The following RBM38 variants were observed in gnomAD, a reference collection of about 807,000 sequenced individuals.
RBM38 encodes the protein RNA binding motif protein 38, also known as RNA-binding protein 38.
Under a neutral mutation model 23.5 loss-of-function variants are expected in RBM38, and 11 were observed. The ratio of observed to expected loss-of-function variants is 0.47; its 90% CI spans 0.29 to 0.77. RBM38 has a LOEUF of 0.77. Ranked by LOEUF, RBM38 falls within the 30% of genes least tolerant of loss-of-function variation. The pLI, the probability that RBM38 is intolerant of heterozygous loss-of-function variation, is 0.08. For missense variants in RBM38, 330 were observed against 351.9 expected, an observed-to-expected ratio of 0.94 and a Z score of 0.50; for synonymous variants, 165 against 166.1, an observed-to-expected ratio of 0.99 and a Z score of 0.05.
intron 3 of RBM38, among the ~76,000 whole-genome samples, chr20:57,406,993 CAA>C (rs573363075): frequency 1.6e-4 from 12 of 76,076 alleles, no homozygotes; most frequent in African/African-American, 1.6e-4. Flanking sequence ...GACTCTGTCT[CAA>C]AAAAAAAAAA....
chr20:57,404,588 C>T (rs924269920), intron 3 of RBM38, among the ~76,000 whole-genome samples: 2 of 152,228 alleles, frequency 1.3e-5, no homozygotes, highest in African/African-American at 4.8e-5. Context: ...GGGCCCCCTG[C>T]CTCCGCTGGC....
At chr20:57,404,868 G>A (rs2067365363) in intron 3 of RBM38, among the ~76,000 whole-genome samples, 1 of 152,378 alleles carries the variant, frequency 6.6e-6, no homozygotes, top group South Asian at 2.1e-4. Flanking sequence ...GGGAGGATGC[G>A]AGGGATTGAG....
chr20:57,396,256 G>A (rs900644535), intron 3 of RBM38, among the ~76,000 whole-genome samples: 2 of 152,152 alleles, frequency 1.3e-5, no homozygotes, highest in African/African-American at 4.8e-5. Context: ...GCCACTGTCC[G>A]CGGTTTGGAG....
chr20:57,393,476 C>A, intron 3 of RBM38, 143 bp downstream of exon 3: 2 of 923,774 alleles, frequency 2.2e-6, no homozygotes, highest in Non-Finnish European at 3.5e-6. Flanking sequence ...GAAGAGAAGG[C>A]AGATTGCACT....
intron 3 of RBM38, among the ~76,000 whole-genome samples, chr20:57,405,043 C>T (rs1372285998): frequency 6.6e-6 from 1 of 152,230 alleles, no homozygotes. Flanking sequence ...TGGCGCCTGC[C>T]TCCGCCCTTG....
intron 3 of RBM38, among the ~76,000 whole-genome samples, chr20:57,403,315 G>C (rs935857450): frequency 6.6e-6 from 1 of 152,220 alleles, no homozygotes; most frequent in East Asian, 1.9e-4. Flanking sequence ...AAGTGCAGGG[G>C]CGAGGCGCAA....
intron 3 of RBM38, among the ~76,000 whole-genome samples, chr20:57,400,997 A>G (rs1371431053): frequency 6.6e-6 from 1 of 152,160 alleles, no homozygotes; most frequent in East Asian, 1.9e-4. Flanking sequence ...CGTGTGCCCA[A>G]AGAGGCCGGT....
In RBM38 at chr20:57,408,002, G is replaced by C. The variant is rs185157154; in HGVS notation, c.*156G>C. The C allele has an allele frequency of 8.4e-5, 72 of 861,612 alleles. No homozygotes were observed. In the East Asian group the frequency reaches 1.8e-3, roughly 22 times the overall value. 53.4% of individuals were successfully genotyped at this position (861,612 alleles called of 1,614,324 possible). On this transcript the variant is annotated 3_prime_UTR_variant, in exon 4 of 4. Coordinates refer to ENST00000356208, the MANE Select transcript of RBM38 (RefSeq NM_017495.6). ...CGCTCGGGCATTCCGCCTGCGCCCT[G>C]GGACAGCGGAGAGACGGCTTCTCTT...
chr20:57,407,425 C>G lies in RBM38; in HGVS notation c.417-118C>G. ...AGGTGCTGTTTCTGTGCCCATCTGA[C>G]CGATGAGGAAAGTCGGGGCTCGGGG... On this transcript the variant is annotated intron_variant, in intron 3 of 3. Transcript: ENST00000356208. The surrounding 1 kb of genome is among the most constrained non-coding windows in gnomAD (Gnocchi z 4.0). 1 of 1,189,828 alleles carries G rather than the reference C, an allele frequency of 8.4e-7. No individual in the cohort carries two copies. Among genetic ancestry groups the G allele is most frequent in the Non-Finnish European group, 1.2e-6 (1 of 838,582 alleles). 73.7% of individuals were successfully genotyped at this position (1,189,828 alleles called of 1,614,324 possible).
intron 3 of RBM38, among the ~76,000 whole-genome samples, chr20:57,405,047 G>A (rs891897478): frequency 6.6e-6 from 1 of 152,204 alleles, no homozygotes; most frequent in Admixed American, 6.5e-5. Context: ...GCCTGCCTCC[G>A]CCCTTGTGCC....
At position 57,408,067 on chromosome 20, in the gene RBM38, A is replaced by C. The variant is rs2067406761; in HGVS notation, c.*221A>C. 8.2e-6 allele frequency: 5 copies of C among 610,210 alleles called. No homozygotes were observed. The highest frequency in any genetic ancestry group is 1.4e-5 in the Non-Finnish European group (5 of 348,414). The allele number at this position is 610,210 out of a possible 1,614,324, so 37.8% of individuals were successfully genotyped here. On this transcript the variant is annotated 3_prime_UTR_variant, in exon 4 of 4. Transcript: ENST00000356208. ...TTGTGTCTTGAGGGAGGACTTTAAG[A>C]ATGACTGAGAACTATTTAAAGACGC... is the stretch of plus-strand genomic sequence containing the variant.
At position 57,407,901 on chromosome 20, in the gene RBM38, T is replaced by TGCCAGGCCATGATGGGCTGGC; in HGVS notation, c.*57_*77dup. The TGCCAGGCCATGATGGGCTGGC allele has an allele frequency of 6.7e-7, 1 of 1,499,652 alleles. No homozygotes were observed. Among genetic ancestry groups the TGCCAGGCCATGATGGGCTGGC allele is most frequent in the Non-Finnish European group, 8.9e-7 (1 of 1,124,922 alleles). The allele number at this position is 1,499,652 out of a possible 1,614,324, so 92.9% of individuals were successfully genotyped here. On this transcript the variant is annotated 3_prime_UTR_variant, in exon 4 of 4. Transcript: ENST00000356208. The surrounding 1 kb of genome is among the most constrained non-coding windows in gnomAD (Gnocchi z 4.0). ...TTGTCACCTTCACAGCAGACAGAGC[T>TGCCAGGCCATGATGGGCTGGC]GCCAGGCCATGATGGGCTGGCGACA... is the stretch of plus-strand genomic sequence containing the variant.
intron 3 of RBM38, among the ~76,000 whole-genome samples, chr20:57,406,044 C>A (rs562835206): frequency 2.6e-5 from 4 of 152,366 alleles, no homozygotes; most frequent in South Asian, 4.1e-4. Flanking sequence ...AGTCACCCCC[C>A]AGGCGGGCCT....
intron 3 of RBM38, among the ~76,000 whole-genome samples, chr20:57,406,751 T>C (rs756577352): frequency 2.2e-3 from 332 of 152,140 alleles, no homozygotes; most frequent in Non-Finnish European, 3.5e-3. Context: ...CCCAGCACTT[T>C]GGGAGGCCGA....
chr20:57,400,020 C>T, intron 3 of RBM38: 1 of 456,004 alleles, frequency 2.2e-6, no homozygotes, highest in East Asian at 6.9e-5. Flanking sequence ...GCATGTGTCC[C>T]CAGCACCATC....
Position 57,407,287 on chromosome 20 carries a change from CG to C in RBM38, c.417-251del, listed in dbSNP as rs1012387648. Among the ~76,000 whole-genome samples the C allele has an allele frequency of 6.6e-6, 1 of 152,008 alleles. No individual in the cohort carries two copies. The highest frequency in any genetic ancestry group is 2.4e-5 in the African/African-American group (1 of 41,390). Reference sequence around the variant, plus strand: ...GGATGTGGGGTGTAGGGCTGGGATGCGGGGGTGCAGTCTGGGAAGGCCTTGC... The same window carrying C: ...GGATGTGGGGTGTAGGGCTGGGATGCGGGGTGCAGTCTGGGAAGGCCTTGC... On this transcript the variant is annotated intron_variant, in intron 3 of 3. Coordinates refer to ENST00000356208, the MANE Select transcript of RBM38 (RefSeq NM_017495.6). The surrounding 1 kb of genome is among the most constrained non-coding windows in gnomAD (Gnocchi z 4.0).
intron 3 of RBM38, among the ~76,000 whole-genome samples, chr20:57,405,093 C>G (rs983854527): frequency 1.3e-5 from 2 of 152,232 alleles, no homozygotes; most frequent in Non-Finnish European, 2.9e-5. Flanking sequence ...TCTGCCTCAT[C>G]ATTAGGTCTC....
intron 3 of RBM38, among the ~76,000 whole-genome samples, chr20:57,397,027 G>T (rs1334326295): frequency 6.6e-6 from 1 of 152,196 alleles, no homozygotes; most frequent in African/African-American, 2.4e-5. Flanking sequence ...AGGCTCCTCG[G>T]ACTCCGGAGT....
chr20:57,393,126 G>C, intron 2 of RBM38, 153 bp from the exon 3 acceptor site: 5 of 776,126 alleles, frequency 6.4e-6, no homozygotes, highest in Non-Finnish European at 1.1e-5. Context: ...TGTGCCTTGG[G>C]GTTCACAAGG....
Sources: gnomAD v4.1 joint callset for allele counts (sites outside exome capture counted in the v4.1 genomes callset) on GRCh38, gnomAD v4.1.1 for gene constraint, Gnocchi (gnomAD v3.1) non-coding constraint, MANE v1.5 for transcripts, NCBI Gene and HGNC (gene_info 2026-07-23, HGNC 2026-07-21) for gene names.